SDK1: variants seen among roughly 807,000 people sequenced by gnomAD.
SDK1 encodes the protein protein sidekick-1.
SDK1 carries 157 observed loss-of-function variants against 245.5 expected under a neutral mutation model. That is an observed-to-expected ratio of 0.64 (90% CI 0.56 to 0.73). The LOEUF (loss-of-function observed/expected upper bound fraction) is 0.73. SDK1 is among the 30% of genes least tolerant of loss of function. The pLI, the probability that SDK1 is intolerant of heterozygous loss-of-function variation, is 0.00. For synonymous variants in SDK1, 1,647 were observed against 1,278.5 expected (o/e 1.29, Z -6.15); for missense variants, 3,583 against 3,002.3 (o/e 1.19, Z -4.52).
At chr7:3,557,711 G>C (rs146187587) in intron 1 of SDK1, among the ~76,000 whole-genome samples, 1 of 152,230 alleles carries the variant, frequency 6.6e-6, no homozygotes, top group East Asian at 1.9e-4. Context: ...GAATCTCTTT[G>C]TATTACATCC....
intron 25 of SDK1, among the ~76,000 whole-genome samples, chr7:4,124,878 AGATGAATG>A (rs1411516935): frequency 6.6e-6 from 1 of 150,388 alleles, no homozygotes; most frequent in East Asian, 2.0e-4. Flanking sequence ...GGTGGATGGT[AGATGAATG>A]GATGGGTGGA....
chr7:3,599,316 A>G (rs1235827614), intron 1 of SDK1, among the ~76,000 whole-genome samples: 1 of 151,586 alleles, frequency 6.6e-6, no homozygotes, highest in Non-Finnish European at 1.5e-5. Context: ...TTCTATTTGG[A>G]TTGTTTGTTT....
chr7:3,844,172 C>T (rs1476264682), intron 5 of SDK1, among the ~76,000 whole-genome samples: 2 of 152,124 alleles, frequency 1.3e-5, no homozygotes, highest in Non-Finnish European at 2.9e-5. Context: ...AATTTCACCA[C>T]GTTGGCCAGA....
intron 41 of SDK1, among the ~76,000 whole-genome samples, chr7:4,233,856 T>G (rs114427275): frequency 0.012 from 1,774 of 152,234 alleles, 41 homozygotes; most frequent in African/African-American, 0.041. Context: ...AGGCCCCTTA[T>G]GGGCTTTGTG....
chr7:3,346,150 C>T (rs1347313093), intron 1 of SDK1, among the ~76,000 whole-genome samples: 1 of 152,186 alleles, frequency 6.6e-6, no homozygotes, highest in Non-Finnish European at 1.5e-5. Flanking sequence ...TTCCTACTGT[C>T]TTAAGAATAA....
At chr7:3,414,479 T>C (rs1779307083) in intron 1 of SDK1, among the ~76,000 whole-genome samples, 1 of 152,176 alleles carries the variant, frequency 6.6e-6, no homozygotes, top group Non-Finnish European at 1.5e-5. Context: ...TTGGTATGTT[T>C]TAGTTTTTTT....
At chr7:3,587,226 T>C (rs1429600670) in intron 1 of SDK1, among the ~76,000 whole-genome samples, 1 of 152,084 alleles carries the variant, frequency 6.6e-6, no homozygotes, top group East Asian at 1.9e-4. Flanking sequence ...AAATTGAGGG[T>C]CAGAGGGGAT....
chr7:3,854,169 T>C lies in SDK1; in HGVS notation c.847+32586T>C, dbSNP rs544555093. Among the ~76,000 whole-genome samples the C allele has an allele frequency of 4.6e-5, 7 of 152,200 alleles. No homozygotes were observed. In the South Asian group the frequency reaches 1.5e-3, roughly 32 times the overall value. On this transcript the variant is annotated intron_variant, in intron 5 of 44. Coordinates refer to ENST00000404826, the MANE Select transcript of SDK1 (RefSeq NM_152744.4). ...ATAGATCTTACTTTCTTAGAAAACT[T>C]TTAGGAGCCAAAGGTTATGTACGGT...
At chr7:3,571,959 C>G (rs1312792137) in intron 1 of SDK1, among the ~76,000 whole-genome samples, 1 of 152,086 alleles carries the variant, frequency 6.6e-6, no homozygotes, top group African/African-American at 2.4e-5. Context: ...ACCTAAGTTA[C>G]TTACTTGCTA....
chr7:3,468,710 T>G (rs1781089350), intron 1 of SDK1, among the ~76,000 whole-genome samples: 1 of 152,184 alleles, frequency 6.6e-6, no homozygotes, highest in African/African-American at 2.4e-5. Context: ...TCTGTTAGCA[T>G]TAGATCGTAC....
intron 4 of SDK1, among the ~76,000 whole-genome samples, chr7:3,687,100 C>CACA (rs57916967): frequency 6.8e-6 from 1 of 146,924 alleles, no homozygotes; most frequent in Admixed American, 6.8e-5. Flanking sequence ...CACACACACA[C>CACA]CACCCTGTAT....
Position 4,205,981 on chromosome 7 carries a change from T to C in SDK1, c.5201T>C (p.Ile1734Thr), listed in dbSNP as rs1363993635. The change falls in exon 36 of 45, where the codon ATC (isoleucine) becomes ACC (threonine). Residue 1734 changes from isoleucine (I) to threonine (T), a missense_variant. Transcript: ENST00000404826. ...CCCCCGGAGAGCCAGAATGGGAACA[T>C]CCAAGGCTACAAGGCAAGGCCCTCC... ...PPPPESQNGN[I>T]QGYKIYYWEA... 2 of 1,550,422 alleles carry C rather than the reference T, an allele frequency of 1.3e-6. No individual in the cohort carries two copies. The highest frequency in any genetic ancestry group is 1.7e-6 in the Non-Finnish European group (2 of 1,146,788).
intron 4 of SDK1, among the ~76,000 whole-genome samples, chr7:3,783,392 G>C (rs771878974): frequency 1.3e-5 from 2 of 151,634 alleles, no homozygotes; most frequent in Non-Finnish European, 2.9e-5. Context: ...AGAAGGCATC[G>C]TAATAGGAAA....
At chr7:4,020,329 C>T (rs2128153561) in intron 17 of SDK1, among the ~76,000 whole-genome samples, 1 of 152,228 alleles carries the variant, frequency 6.6e-6, no homozygotes, top group South Asian at 2.1e-4. Flanking sequence ...CTTGATGCCT[C>T]AGTGTAGTCA....
At chr7:3,514,479 A>G (rs796352803) in intron 1 of SDK1, among the ~76,000 whole-genome samples, 58 of 152,306 alleles carry the variant, frequency 3.8e-4, no homozygotes, top group African/African-American at 1.3e-3. Flanking sequence ...AGAGAGGTAG[A>G]TAGTCCAGGG....
chr7:3,938,106 G>T (rs187565261), intron 5 of SDK1, among the ~76,000 whole-genome samples: 211 of 152,220 alleles, frequency 1.4e-3, no homozygotes, highest in African/African-American at 5.0e-3. Flanking sequence ...CAAAGTGCTG[G>T]GATTACAGGC....
intron 1 of SDK1, among the ~76,000 whole-genome samples, chr7:3,433,849 G>A (rs372888776): frequency 5.9e-5 from 9 of 152,170 alleles, no homozygotes; most frequent in Non-Finnish European, 1.0e-4. Context: ...CATACAAGCC[G>A]TGGTTGACTT....
intron 1 of SDK1, among the ~76,000 whole-genome samples, chr7:3,452,199 T>C (rs901884967): frequency 7.2e-5 from 11 of 152,176 alleles, no homozygotes; most frequent in African/African-American, 2.7e-4. Context: ...TTAGGACAGG[T>C]AGAATTTTAT....
chr7:3,515,442 A>G (rs1782715361), intron 1 of SDK1, among the ~76,000 whole-genome samples: 1 of 152,188 alleles, frequency 6.6e-6, no homozygotes, highest in African/African-American at 2.4e-5. Flanking sequence ...CAGTGATGAG[A>G]TGGTGCTAAA....
Sources: allele counts gnomAD v4.1 joint callset (sites outside exome capture counted in the v4.1 genomes callset), GRCh38; gene constraint gnomAD v4.1.1; transcripts MANE v1.5; gene names NCBI Gene and HGNC (gene_info 2026-07-23, HGNC 2026-07-21).